The following KTI12 variants were observed in gnomAD, a reference collection of about 807,000 sequenced individuals.
KTI12 encodes the protein protein KTI12 homolog.
Under a neutral mutation model 8.8 loss-of-function variants are expected in KTI12, and 8 were observed. That is an observed-to-expected ratio of 0.91 (90% CI 0.53 to 1.64). KTI12 has a LOEUF of 1.64. Ranked by LOEUF, KTI12 falls within the 40% of genes most tolerant of loss-of-function variation. The pLI is 0.00. For missense variants in KTI12, 490 were observed against 492.1 expected (o/e 1.00, Z 0.04); for synonymous variants, 216 against 220.1 (o/e 0.98, Z 0.17).
rs1317437711 is a variant in KTI12 at position 52,032,605 on chromosome 1, C to T, written c.*92G>A. On this transcript the variant is annotated 3_prime_UTR_variant, in exon 1 of 1. Coordinates refer to ENST00000371614, the MANE Select transcript of KTI12 (RefSeq NM_138417.3). ...CAACAGCTCTAGTACAGTACTGCAT[C>T]GATATGCTCTGGAGACCTGCAGCCT... is the stretch of plus-strand genomic sequence containing the variant. 26 of 1,503,000 alleles carry T rather than the reference C, an allele frequency of 1.7e-5. No homozygotes were observed. The highest frequency in any genetic ancestry group is 2.2e-5 in the Non-Finnish European group (25 of 1,130,266). 93.1% of individuals were successfully genotyped at this position (1,503,000 alleles called of 1,614,324 possible). A position where few individuals can be genotyped will look rare whatever the true frequency, so the allele number is the denominator to read the frequency against.
At position 52,033,696 on chromosome 1, in the gene KTI12, G is replaced by C; in HGVS notation, c.66C>G (p.Arg22=). The change falls in exon 1 of 1, where the codon CGC becomes CGG. Residue 22 remains arginine, a synonymous_variant. Coordinates refer to ENST00000371614, the MANE Select transcript of KTI12 (RefSeq NM_138417.3). The part of the protein sequence containing the change: ...SGKSRRAEEL[R]VALAAEGRAV... ...CGCGGCCCTCGGCAGCCAGCGCCAC[G>C]CGCAACTCTTCAGCACGCCGGCTCT... is the stretch of plus-strand genomic sequence containing the variant. The C allele has an allele frequency of 6.2e-7, 1 of 1,611,188 alleles. No individual in the cohort carries two copies. Among genetic ancestry groups the C allele is most frequent in the Non-Finnish European group, 8.5e-7 (1 of 1,179,610 alleles).
In KTI12 at chr1:52,033,714, C is replaced by T. The variant is rs376029952; in HGVS notation, c.48G>A (p.Arg16=). Residue 16 remains arginine, a synonymous_variant, in exon 1 of 1, where the codon CGG becomes CGA. Coordinates refer to ENST00000371614, the MANE Select transcript of KTI12 (RefSeq NM_138417.3). ...GCGCCACGCGCAACTCTTCAGCACG[C>T]CGGCTCTTGCCGCTGTACGGCAGCC... ...FCGLPYSGKS[R]RAEELRVALA... 3 of 1,610,254 alleles carry T rather than the reference C, an allele frequency of 1.9e-6. No individual in the cohort carries two copies. Among genetic ancestry groups the T allele is most frequent in the African/African-American group, 2.7e-5 (2 of 74,922 alleles).
chr1:52,033,581 C>A lies in KTI12; in HGVS notation c.181G>T (p.Ala61Ser), dbSNP rs78835924. The A allele has an allele frequency of 2.4e-4, 382 of 1,613,624 alleles. 2 individuals carry two copies. In the African/African-American group the frequency reaches 4.6e-3, roughly 19 times the overall value. The change falls in exon 1 of 1, where the codon GCT (alanine) becomes TCT (serine). Residue 61 changes from alanine to serine, a missense_variant. Coordinates refer to ENST00000371614, the MANE Select transcript of KTI12 (RefSeq NM_138417.3). The part of the protein sequence containing the change: ...DSAREKALRG[A>S]LRASVERRLS... The stretch of plus-strand genomic sequence containing the variant: ...CGCCGTTCCACGGAGGCTCGCAGAG[C>A]TCCACGCAATGCCTTCTCACGGGCA...
chr1:52,033,775 G>C lies in KTI12; in HGVS notation c.-14C>G. On this transcript the variant is annotated 5_prime_UTR_variant, in exon 1 of 1. Coordinates refer to ENST00000371614, the MANE Select transcript of KTI12 (RefSeq NM_138417.3). ...CACGAGCGGCATCCTCTCAGGGAGC[G>C]ACCATTGGCAACCGCGCTGCGCCAA... 2 of 1,560,896 alleles carry C rather than the reference G, an allele frequency of 1.3e-6. No individual in the cohort carries two copies. Among genetic ancestry groups the C allele is most frequent in the East Asian group, 2.3e-5 (1 of 43,966 alleles).
At position 52,033,027 on chromosome 1, in the gene KTI12, G is replaced by A. The variant is rs148367224; in HGVS notation, c.735C>T (p.Arg245=). 24 of 1,573,362 alleles carry A rather than the reference G, an allele frequency of 1.5e-5. No homozygotes were observed. The highest frequency in any genetic ancestry group is 2.0e-5 in the Non-Finnish European group (23 of 1,162,910). ...LEEPLPLAGI[R]SALFENRAPP... ...GGGCCCGGTTCTCAAACAGGGCAGAGCGGATCCCCGCCAGGGGCAACGGCT... is the reference window on the plus strand; with the variant it reads ...GGGCCCGGTTCTCAAACAGGGCAGAACGGATCCCCGCCAGGGGCAACGGCT... Residue 245 remains arginine, a synonymous_variant, in exon 1 of 1, where the codon CGC becomes CGT. Transcript: ENST00000371614.
rs1440789722 is a variant in KTI12, at chr1:52,033,687, C to T, written c.75G>A (p.Leu25=). The T allele has an allele frequency of 1.2e-6, 2 of 1,611,000 alleles. No homozygotes were observed. The highest frequency in any genetic ancestry group is 2.7e-5 in the African/African-American group (2 of 74,936). ...CGTACACCGCGCGGCCCTCGGCAGC[C>T]AGCGCCACGCGCAACTCTTCAGCAC... ...SRRAEELRVA[L]AAEGRAVYVV... is the part of the protein sequence containing the mutation. The change falls in exon 1 of 1, where the codon CTG becomes CTA. Residue 25 remains leucine, a synonymous_variant. Transcript: ENST00000371614.
Position 52,032,495 on chromosome 1 carries a change from T to A in KTI12, c.*202A>T. ...GATTTGCCAGGTTGCACCACAATAGTTCTCCATTCTCTTTAGTCTGAACTT... is the reference window on the plus strand; with the variant it reads ...GATTTGCCAGGTTGCACCACAATAGATCTCCATTCTCTTTAGTCTGAACTT... On this transcript the variant is annotated 3_prime_UTR_variant, in exon 1 of 1. Transcript: ENST00000371614. The A allele has an allele frequency of 7.4e-7, 1 of 1,344,582 alleles. No homozygotes were observed. The highest frequency in any genetic ancestry group is 9.5e-7 in the Non-Finnish European group (1 of 1,053,502). The allele number at this position is 1,344,582 out of a possible 1,614,324, so 83.3% of individuals were successfully genotyped here. A position where few individuals can be genotyped will look rare whatever the true frequency, so the allele number is the denominator to read the frequency against.
Position 52,032,767 on chromosome 1 carries a change from T to C in KTI12, c.995A>G (p.His332Arg), listed in dbSNP as rs1177465938. ...RRQFISYTKM[H>R]PNNENLPQLA... ...TTGCGGCAAGTTCTCATTGTTGGGA[T>C]GCATTTTAGTGTACGAAATAAACTG... The change falls in exon 1 of 1, where the codon CAT becomes CGT. Residue 332 changes from histidine (H) to arginine (R), a missense_variant. Transcript: ENST00000371614. 49 of 1,613,992 alleles carry C rather than the reference T, an allele frequency of 3.0e-5. 1 individual carries two copies. Among genetic ancestry groups the C allele is most frequent in the Non-Finnish European group, 3.6e-5 (42 of 1,180,022 alleles).
At position 52,033,180 on chromosome 1, in the gene KTI12, T is replaced by A. The variant is rs889738684; in HGVS notation, c.582A>T (p.Lys194Asn). Residue 194 changes from lysine (K) to asparagine (N), a missense_variant, in exon 1 of 1, where the codon AAA becomes AAT. Coordinates refer to ENST00000371614, the MANE Select transcript of KTI12 (RefSeq NM_138417.3). ...AGGCACCGGACCCATGCTTTGCAGA[T>A]TTCTCTGAATCCGGAGTCACAAGAG... is the stretch of plus-strand genomic sequence containing the variant. ...SPALVTPDSE[K>N]SAKHGSGAFY... The A allele has an allele frequency of 6.2e-7, 1 of 1,614,074 alleles. No individual in the cohort carries two copies. Among genetic ancestry groups the A allele is most frequent in the African/African-American group, 1.3e-5 (1 of 74,948 alleles).
Position 52,033,014 on chromosome 1 carries a change from C to G in KTI12, c.748G>C (p.Glu250Gln), listed in dbSNP as rs372433236. The G allele has an allele frequency of 1.7e-5, 26 of 1,561,982 alleles. No homozygotes were observed. In the African/African-American group the frequency reaches 2.3e-4, roughly 14 times the overall value. The change falls in exon 1 of 1, where the codon GAG becomes CAG. Residue 250 changes from glutamate to glutamine, a missense_variant. Transcript: ENST00000371614. ...TGATGGGGTGGTGGGGCCCGGTTCT[C>G]AAACAGGGCAGAGCGGATCCCCGCC... ...PLAGIRSALF[E>Q]NRAPPPHQST...
chr1:52,032,916 C>T lies in KTI12; in HGVS notation c.846G>A (p.Leu282=). 6.2e-7 allele frequency: 1 copy of T among 1,610,378 alleles called. No individual in the cohort carries two copies. The highest frequency in any genetic ancestry group is 1.1e-5 in the South Asian group (1 of 90,590). ...HQLDQVTSQV[L]AGLMEAQKSA... is the part of the protein sequence containing the mutation. ...TCTTCTGCGCTTCCATCAATCCGGC[C>T]AGTACTTGACTCGTGACCTGGTCCA... The change falls in exon 1 of 1, where the codon CTG becomes CTA. Residue 282 remains leucine (L), a synonymous_variant. Transcript: ENST00000371614.
In KTI12 at chr1:52,033,604, G is replaced by A. The variant is rs1256883097; in HGVS notation, c.158C>T (p.Ala53Val). Residue 53 changes from alanine to valine, a missense_variant, in exon 1 of 1, where the codon GCC becomes GTC. Coordinates refer to ENST00000371614, the MANE Select transcript of KTI12 (RefSeq NM_138417.3). ...AEDPAVYGDS[A>V]REKALRGALR... ...AGCTCCACGCAATGCCTTCTCACGG[G>A]CAGAATCGCCGTACACCGCTGGGTC... 6.2e-7 allele frequency: 1 copy of A among 1,612,902 alleles called. No individual in the cohort carries two copies. The highest frequency in any genetic ancestry group is 8.5e-7 in the Non-Finnish European group (1 of 1,179,920).
At position 52,033,368 on chromosome 1, in the gene KTI12, C is replaced by A. The variant is rs561778300; in HGVS notation, c.394G>T (p.Val132Leu). 6.2e-7 allele frequency: 1 copy of A among 1,613,786 alleles called. No homozygotes were observed. Among genetic ancestry groups the A allele is most frequent in the African/African-American group, 1.3e-5 (1 of 75,076 alleles). The part of the protein sequence containing the change: ...ANENPGRNVS[V>L]SWRPRAEEDG... ...TCCTCAGCGCGTGGCCGCCAACTCA[C>A]ACTGACGTTCCGGCCAGGGTTCTCG... is the stretch of plus-strand genomic sequence containing the variant. Residue 132 changes from valine to leucine, a missense_variant, in exon 1 of 1, where the codon GTG (valine) becomes TTG (leucine). Val to Leu is a conservative substitution (Grantham distance 32, BLOSUM62 1). Coordinates refer to ENST00000371614, the MANE Select transcript of KTI12 (RefSeq NM_138417.3).
chr1:52,033,146 G>C lies in KTI12; in HGVS notation c.616C>G (p.Pro206Ala), dbSNP rs144687276. The change falls in exon 1 of 1, where the codon CCC becomes GCC. Residue 206 changes from proline (P) to alanine (A), a missense_variant. Transcript: ENST00000371614. ...AKHGSGAFYS[P>A]ELLEALTLRF... is the part of the protein sequence containing the mutation. ...AGCGTTAGGGCCTCCAGGAGTTCGG[G>C]AGAGTAAAAGGCACCGGACCCATGC... 1 of 1,614,212 alleles carries C rather than the reference G, an allele frequency of 6.2e-7. No homozygotes were observed. The highest frequency in any genetic ancestry group is 8.5e-7 in the Non-Finnish European group (1 of 1,180,048).
Position 52,032,752 on chromosome 1 carries a change from T to C in KTI12, c.1010A>G (p.Asn337Ser). The C allele has an allele frequency of 6.2e-7, 1 of 1,613,870 alleles. No homozygotes were observed. Residue 337 changes from asparagine to serine, a missense_variant, in exon 1 of 1, where the codon AAC becomes AGC. Asn to Ser is a conservative substitution (Grantham distance 46). Transcript: ENST00000371614. ...AAACATGTTGGCCAGTTGCGGCAAG[T>C]TCTCATTGTTGGGATGCATTTTAGT... Reference protein sequence around the residue: ...SYTKMHPNNENLPQLANMFLQ... With the variant: ...SYTKMHPNNESLPQLANMFLQ...
In KTI12 at chr1:52,032,805, A is replaced by T; in HGVS notation, c.957T>A (p.Ser319Arg). 1 of 1,614,062 alleles carries T rather than the reference A, an allele frequency of 6.2e-7. No individual in the cohort carries two copies. The highest frequency in any genetic ancestry group is 8.5e-7 in the Non-Finnish European group (1 of 1,179,994). Residue 319 changes from serine to arginine, a missense_variant, in exon 1 of 1, where the codon AGT (serine) becomes AGA (arginine). Coordinates refer to ENST00000371614, the MANE Select transcript of KTI12 (RefSeq NM_138417.3). ...FTRPLTMAEL[S>R]RLRRQFISYT... ...ACGAAATAAACTGGCGACGAAGGCG[A>T]CTCAGTTCTGCCATGGTCAAGGGCC...
At position 52,032,661 on chromosome 1, in the gene KTI12, G is replaced by A; in HGVS notation, c.*36C>T. The A allele has an allele frequency of 6.4e-7, 1 of 1,553,936 alleles. No individual in the cohort carries two copies. Among genetic ancestry groups the A allele is most frequent in the Non-Finnish European group, 8.7e-7 (1 of 1,152,714 alleles). On this transcript the variant is annotated 3_prime_UTR_variant, in exon 1 of 1. Coordinates refer to ENST00000371614, the MANE Select transcript of KTI12 (RefSeq NM_138417.3). ...TCCCAGAGAAATAAAGTGGAGTGGA[G>A]ATCAGAAGCCATGGCTTCCCCCCTA...
Position 52,033,243 on chromosome 1 carries a change from T to C in KTI12, c.519A>G (p.Glu173=), listed in dbSNP as rs765258154. 3.1e-6 allele frequency: 5 copies of C among 1,614,044 alleles called. No individual in the cohort carries two copies. In the South Asian group the frequency reaches 4.4e-5, roughly 14 times the overall value. ...CAGCCCCGGATTCTTCTCGCTCCAG[T>C]TCCTTGGGTACGTCGGCCTGGGCAC... ...NGSAQADVPK[E]LEREESGAAE... is the part of the protein sequence containing the mutation. Residue 173 remains glutamate, a synonymous_variant, in exon 1 of 1, where the codon GAA becomes GAG. Transcript: ENST00000371614.
In KTI12 at chr1:52,033,704, C is replaced by T. The variant is rs1257102906; in HGVS notation, c.58G>A (p.Glu20Lys). 1 of 1,610,952 alleles carries T rather than the reference C, an allele frequency of 6.2e-7. No homozygotes were observed. The highest frequency in any genetic ancestry group is 8.5e-7 in the Non-Finnish European group (1 of 1,179,436). The change falls in exon 1 of 1, where the codon GAG (glutamate) becomes AAG (lysine). Residue 20 changes from glutamate (E) to lysine (K), a missense_variant. Transcript: ENST00000371614. ...TCGGCAGCCAGCGCCACGCGCAACT[C>T]TTCAGCACGCCGGCTCTTGCCGCTG... is the stretch of plus-strand genomic sequence containing the variant. ...PYSGKSRRAE[E>K]LRVALAAEGR...
Sources: gnomAD v4.1 joint callset for allele counts on GRCh38, gnomAD v4.1.1 for gene constraint, MANE v1.5 for transcripts, NCBI Gene and HGNC (gene_info 2026-07-23, HGNC 2026-07-21) for gene names.